The following DGKI variants were observed in gnomAD, a reference collection of about 807,000 sequenced individuals.
DGKI encodes diacylglycerol kinase iota, also known as DAG kinase iota.
DGKI carries 55 observed loss-of-function variants against 147.5 expected under a neutral mutation model. The observed-to-expected ratio is 0.37, with a 90% CI of 0.30 to 0.47. The LOEUF is 0.47. Among genes scored for constraint, DGKI ranks in the 20% least tolerant of loss-of-function variants. The pLI is 1.00. For synonymous variants in DGKI, 469 were observed against 477.1 expected (o/e 0.98, Z 0.22); for missense variants, 1,007 against 1,323.8 (o/e 0.76, Z 3.71).
chr7:137,776,283 C>A (rs1250914711), intron 1 of DGKI, among the ~76,000 whole-genome samples: 1 of 152,212 alleles, frequency 6.6e-6, no homozygotes, highest in Non-Finnish European at 1.5e-5. Context: ...TAACTACCGA[C>A]AGCTGCATCA....
Position 137,685,252 on chromosome 7 carries a change from C to T in DGKI, c.510+4642G>A, listed in dbSNP as rs1291528936. On this transcript the variant is annotated intron_variant, in intron 2 of 32. Transcript: ENST00000614521. ...AGCTCTTGGGACCGAAGAAAGTTTG[C>T]CAATGAGGAAGGAAAACAAAATAAA... Among the ~76,000 whole-genome samples the T allele has an allele frequency of 5.9e-5, 9 of 152,126 alleles. No homozygotes were observed. The East Asian group carries it at 1.7e-3, about 29-fold the overall frequency.
At chr7:137,666,902 C>T (rs1822660426) in intron 3 of DGKI, among the ~76,000 whole-genome samples, 1 of 152,148 alleles carries the variant, frequency 6.6e-6, no homozygotes, top group Non-Finnish European at 1.5e-5. Flanking sequence ...GTTCTCTGTA[C>T]TTTGTTGCCC....
At chr7:137,568,469 C>T (rs951929798) in intron 19 of DGKI, among the ~76,000 whole-genome samples, 1 of 152,172 alleles carries the variant, frequency 6.6e-6, no homozygotes, top group Admixed American at 6.6e-5. Context: ...CTCTTTTCTG[C>T]TCTGTGAGGC....
chr7:137,686,161 G>T (rs896125936), intron 2 of DGKI, among the ~76,000 whole-genome samples: 2 of 152,228 alleles, frequency 1.3e-5, no homozygotes, highest in Non-Finnish European at 2.9e-5. Flanking sequence ...TCTAAGGTTT[G>T]TAAGACAATG....
At chr7:137,706,509 T>C (rs898152014) in intron 1 of DGKI, among the ~76,000 whole-genome samples, 21 of 124,946 alleles carry the variant, frequency 1.7e-4, no homozygotes, top group South Asian at 1.1e-3. Context: ...TATTTTATTT[T>C]ATTTCATTTT....
In DGKI at chr7:137,472,345, T is replaced by TTATTATATGTATATATACATAA. The variant is rs1563040197; in HGVS notation, c.2374-2727_2374-2726insTTATGTATATATACATATAATA. Among the ~76,000 whole-genome samples the TTATTATATGTATATATACATAA allele has an allele frequency of 8.5e-3, 459 of 53,802 alleles. 6 individuals carry two copies. The highest frequency in any genetic ancestry group is 0.025 in the African/African-American group (159 of 6,328). The allele number at this position is 53,802 out of a possible 152,430, so 35.3% of individuals were successfully genotyped here. On this transcript the variant is annotated intron_variant, in intron 23 of 32. Transcript: ENST00000614521. ...TTATTATATGTATATATACATATAATTATTATATGTATATATACATATAAT... is the reference window on the plus strand; with the variant it reads ...TTATTATATGTATATATACATATAATTATTATATGTATATATACATAATATTATATGTATATATACATATAAT...
At chr7:137,398,825 C>A (rs1251185806) in intron 30 of DGKI, among the ~76,000 whole-genome samples, 1 of 151,746 alleles carries the variant, frequency 6.6e-6, no homozygotes. Flanking sequence ...CCAGTATCTG[C>A]CTGGAACATT....
chr7:137,761,116 C>G (rs1315847572), intron 1 of DGKI, among the ~76,000 whole-genome samples: 1 of 152,204 alleles, frequency 6.6e-6, no homozygotes, highest in Non-Finnish European at 1.5e-5. Context: ...GTCATCTCCC[C>G]TTTCTGTCTG....
chr7:137,819,585 C>T (rs141411761), intron 1 of DGKI, among the ~76,000 whole-genome samples: 2,893 of 152,302 alleles, frequency 0.019, 99 homozygotes, highest in African/African-American at 0.066. Context: ...GCTGGGATTA[C>T]AGGCGTGAGC....
At chr7:137,413,045 G>A (rs1404248493) in intron 28 of DGKI, among the ~76,000 whole-genome samples, 39 of 152,090 alleles carry the variant, frequency 2.6e-4, no homozygotes, top group Admixed American at 2.4e-3. Context: ...CAAGGTGGGT[G>A]GATCATTTGA....
intron 1 of DGKI, among the ~76,000 whole-genome samples, chr7:137,801,253 G>A (rs570405941): frequency 5.9e-5 from 9 of 152,246 alleles, no homozygotes; most frequent in African/African-American, 2.2e-4. Context: ...GAGGCTGGAA[G>A]GTCAAATATT....
intron 21 of DGKI, among the ~76,000 whole-genome samples, chr7:137,516,114 G>T (rs1254620509): frequency 1.3e-5 from 2 of 151,956 alleles, no homozygotes; most frequent in African/African-American, 2.4e-5. Context: ...GAGGGGGAAA[G>T]ATTCAATTTT....
chr7:137,561,803 C>T (rs2128971402), intron 19 of DGKI, among the ~76,000 whole-genome samples: 1 of 152,140 alleles, frequency 6.6e-6, no homozygotes, highest in Admixed American at 6.5e-5. Flanking sequence ...ATGCAAATGA[C>T]AGCTGACTTT....
At chr7:137,583,576 A>G (rs1232708720) in intron 14 of DGKI, among the ~76,000 whole-genome samples, 2 of 152,134 alleles carry the variant, frequency 1.3e-5, no homozygotes, top group East Asian at 3.8e-4. Context: ...TTTCCCATAC[A>G]TCTCTTTAAA....
At chr7:137,463,843 G>T (rs1256014883) in intron 26 of DGKI, among the ~76,000 whole-genome samples, 4 of 152,156 alleles carry the variant, frequency 2.6e-5, no homozygotes, top group African/African-American at 9.7e-5. Flanking sequence ...TCAAGATTAA[G>T]TCATTTTAAA....
At chr7:137,467,421 T>C (rs996328116) in intron 24 of DGKI, among the ~76,000 whole-genome samples, 1 of 152,246 alleles carries the variant, frequency 6.6e-6, no homozygotes, top group African/African-American at 2.4e-5. Context: ...AATTAGTATG[T>C]ATTTATTAAG....
Position 137,503,996 on chromosome 7 carries a change from C to T in DGKI, c.2249-16307G>A, listed in dbSNP as rs1052817085. ...AAAGTCTCTAGAGTCTAAACTAAAGCATGTAAATAAAAGAATCAACCAAAC... is the reference window on the plus strand; with the variant it reads ...AAAGTCTCTAGAGTCTAAACTAAAGTATGTAAATAAAAGAATCAACCAAAC... On this transcript the variant is annotated intron_variant, in intron 21 of 32. Coordinates refer to ENST00000614521, the MANE Select transcript of DGKI (RefSeq NM_001321708.2). Among the ~76,000 whole-genome samples, 4 of 152,038 alleles carry T rather than the reference C, an allele frequency of 2.6e-5. No homozygotes were observed. The South Asian group carries it at 8.3e-4, about 32-fold the overall frequency.
chr7:137,420,977 C>A (rs1225985493), intron 28 of DGKI, among the ~76,000 whole-genome samples: 3 of 152,186 alleles, frequency 2.0e-5, no homozygotes, highest in East Asian at 3.9e-4. Context: ...CGAGATCACG[C>A]CACTGCACTC....
At chr7:137,727,168 G>T (rs1342962855) in intron 1 of DGKI, among the ~76,000 whole-genome samples, 1 of 151,944 alleles carries the variant, frequency 6.6e-6, no homozygotes, top group East Asian at 1.9e-4. Context: ...TGAATAATCA[G>T]ATATCTAAAG....
Sources: allele counts gnomAD v4.1 joint callset (sites outside exome capture counted in the v4.1 genomes callset), GRCh38; gene constraint gnomAD v4.1.1; transcripts MANE v1.5; gene names NCBI Gene and HGNC (gene_info 2026-07-23, HGNC 2026-07-21).